SLC30A3: variants seen among roughly 807,000 people sequenced by gnomAD.
SLC30A3 encodes the protein solute carrier family 30 member 3.
In SLC30A3, 20 loss-of-function variants were observed where a neutral mutation model predicts 35.6. That is an observed-to-expected ratio of 0.56 (90% CI 0.39 to 0.82). The LOEUF is 0.82. Among genes scored for constraint, SLC30A3 ranks in the 40% least tolerant of loss-of-function variants. SLC30A3 has a pLI of 0.00. For missense variants in SLC30A3, 401 were observed against 530.6 expected (o/e 0.76, Z 2.40); for synonymous variants, 217 against 224.7 (o/e 0.97, Z 0.31).
Position 27,270,475 on chromosome 2 carries a change from A to G in SLC30A3, c.-159+4702T>C, listed in dbSNP as rs1558568585. 5.9e-5 allele frequency among the ~76,000 whole-genome samples: 9 copies of G among 152,172 alleles called. No individual in the cohort carries two copies. The South Asian group carries it at 1.7e-3, about 28-fold the overall frequency. On this transcript the variant is annotated intron_variant, in intron 1 of 5. Transcript: ENST00000424577. ...AATTTGCAAATCTTAGGGGAGGGGA[A>G]GGACCCTGATTTTTCCTTTCTTCCC...
In SLC30A3 at chr2:27,255,248, A is replaced by C. The variant is rs902577359; in HGVS notation, c.*64T>G. ...TCGGTCCCGTCTCTGTGATCAGGGC[A>C]GCAGATGCTGAGAGTCTGGGGCTGA... On this transcript the variant is annotated 3_prime_UTR_variant, in exon 8 of 8. Transcript: ENST00000233535. This position sits in a 1 kb window ranked among gnomAD's most constrained non-coding sequence, Gnocchi z 5.2. 5 of 1,610,132 alleles carry C rather than the reference A, an allele frequency of 3.1e-6. No individual in the cohort carries two copies. The highest frequency in any genetic ancestry group is 4.2e-6 in the Non-Finnish European group (5 of 1,178,084).
In SLC30A3 at chr2:27,255,308, T is replaced by C; in HGVS notation, c.*4A>G. On this transcript the variant is annotated 3_prime_UTR_variant, in exon 8 of 8. Transcript: ENST00000233535. This position sits in a 1 kb window ranked among gnomAD's most constrained non-coding sequence, Gnocchi z 5.2. Reference sequence around the variant, plus strand: ...TGGCAGTGGGGTGAGGGCAGGGCCATGGCTCAGGCTTGGGGGGGTTCCTGG... The same window carrying C: ...TGGCAGTGGGGTGAGGGCAGGGCCACGGCTCAGGCTTGGGGGGGTTCCTGG... The C allele has an allele frequency of 6.2e-7, 1 of 1,613,880 alleles. No individual in the cohort carries two copies. The highest frequency in any genetic ancestry group is 1.1e-5 in the South Asian group (1 of 91,048).
Position 27,256,783 on chromosome 2 carries a change from C to G in SLC30A3, c.883+5G>C. On this transcript the variant is annotated splice_donor_5th_base_variant and intron_variant, in intron 6 of 7. Coordinates refer to ENST00000233535, the MANE Select transcript of SLC30A3 (RefSeq NM_003459.5). ...AGGGATGGGGAGCTGTGGTGCCCGA[C>G]TCACCTTCCATGAGGATTCGAAGAA... 2 of 1,590,810 alleles carry G rather than the reference C, an allele frequency of 1.3e-6. No homozygotes were observed. Among genetic ancestry groups the G allele is most frequent in the Middle Eastern group, 3.4e-4 (2 of 5,958 alleles).
chr2:27,255,499 G>T lies in SLC30A3; in HGVS notation c.1019-39C>A. 6.2e-7 allele frequency: 1 copy of T among 1,603,910 alleles called. No individual in the cohort carries two copies. Among genetic ancestry groups the T allele is most frequent in the Non-Finnish European group, 8.5e-7 (1 of 1,175,986 alleles). On this transcript the variant is annotated intron_variant, in intron 7 of 7. Coordinates refer to ENST00000233535, the MANE Select transcript of SLC30A3 (RefSeq NM_003459.5). This position sits in a 1 kb window ranked among gnomAD's most constrained non-coding sequence, Gnocchi z 5.2. Reference sequence around the variant, plus strand: ...ATAAGAGGCGGCATCCATCCCGGGGGAGAAAGAACAGGCAGGGACTGAGAT... The same window carrying T: ...ATAAGAGGCGGCATCCATCCCGGGGTAGAAAGAACAGGCAGGGACTGAGAT...
In SLC30A3 at chr2:27,271,763, G is replaced by A. The variant is rs2148156431; in HGVS notation, c.-159+3414C>T. Among the ~76,000 whole-genome samples, 1 of 152,340 alleles carries A rather than the reference G, an allele frequency of 6.6e-6. No individual in the cohort carries two copies. On this transcript the variant is annotated intron_variant, in intron 1 of 5. Transcript: ENST00000424577. This position sits in a 1 kb window ranked among gnomAD's most constrained non-coding sequence, Gnocchi z 4.3. ...AGAGCCACTGGCCAAAGGAGGCCAG[G>A]CCGACTGGGCCGTGCTACTCCCACC...
chr2:27,263,356 C>A (rs973639998), upstream of SLC30A3: 1 of 464,278 alleles, frequency 2.2e-6, no homozygotes, highest in Non-Finnish European at 4.4e-6. Flanking sequence ...CTTCGCCCAA[C>A]GACCACCACT....
upstream of SLC30A3, among the ~76,000 whole-genome samples, chr2:27,265,521 T>A (rs866698951): frequency 1.3e-5 from 2 of 152,220 alleles, no homozygotes; most frequent in Admixed American, 6.5e-5. The surrounding 1 kb of genome is among the most constrained non-coding windows in gnomAD (Gnocchi z 5.9). Context: ...TCAGGCAAAT[T>A]TTAAAATGTA....
chr2:27,262,631 G>T lies in SLC30A3; in HGVS notation c.95+181C>A, dbSNP rs935366274. On this transcript the variant is annotated intron_variant, in intron 1 of 7. Coordinates refer to ENST00000233535, the MANE Select transcript of SLC30A3 (RefSeq NM_003459.5). This position sits in a 1 kb window ranked among gnomAD's most constrained non-coding sequence, Gnocchi z 7.5. ...AGTCAGGCGGCCGGGAGGAGGCGTA[G>T]CCGGCTGTGTAGGGCTGGGCGCTCC... Among the ~76,000 whole-genome samples the T allele has an allele frequency of 6.6e-6, 1 of 152,194 alleles. No individual in the cohort carries two copies. Among genetic ancestry groups the T allele is most frequent in the African/African-American group, 2.4e-5 (1 of 41,460 alleles).
upstream of SLC30A3, among the ~76,000 whole-genome samples, chr2:27,265,887 A>C (rs1179940408): frequency 6.6e-6 from 1 of 152,036 alleles, no homozygotes; most frequent in Non-Finnish European, 1.5e-5. This position sits in a 1 kb window ranked among gnomAD's most constrained non-coding sequence, Gnocchi z 5.9. Context: ...AGAAAGGAGG[A>C]GCTAGTTGAG....
chr2:27,269,181 G>GT (rs888576392), intron 1 of SLC30A3, among the ~76,000 whole-genome samples: 135 of 146,226 alleles, frequency 9.2e-4, no homozygotes, highest in African/African-American at 1.9e-3. Context: ...TTAGAGTGTG[G>GT]TTTTTTTTTT....
At position 27,262,095 on chromosome 2, in the gene SLC30A3, G is replaced by T. The variant is rs1345809955; in HGVS notation, c.95+717C>A. Reference sequence around the variant, plus strand: ...CGGCCGCTCAGAGGGGCAGGTGGACGGTGGCGGCAGGCGCGGGGGCCGGCG... The same window carrying T: ...CGGCCGCTCAGAGGGGCAGGTGGACTGTGGCGGCAGGCGCGGGGGCCGGCG... On this transcript the variant is annotated intron_variant, in intron 1 of 7. Coordinates refer to ENST00000233535, the MANE Select transcript of SLC30A3 (RefSeq NM_003459.5). The surrounding 1 kb of genome is among the most constrained non-coding windows in gnomAD (Gnocchi z 7.5). The T allele has an allele frequency of 6.6e-6, 1 of 152,322 alleles. No individual in the cohort carries two copies. The highest frequency in any genetic ancestry group is 1.5e-5 in the Non-Finnish European group (1 of 68,062). 9.4% of individuals were successfully genotyped at this position (152,322 alleles called of 1,614,324 possible).
chr2:27,272,196 G>A (rs746883651), intron 1 of SLC30A3, among the ~76,000 whole-genome samples: 1 of 152,174 alleles, frequency 6.6e-6, no homozygotes, highest in Non-Finnish European at 1.5e-5. Context: ...TCAGGATCAC[G>A]TTATTATCTC....
Position 27,262,862 on chromosome 2 carries a change from C to T in SLC30A3, c.45G>A (p.Leu15=). ...PAAGGLETTR[L]VSPRDRGGAG... is the part of the protein sequence containing the mutation. ...CGCCACCGCGGTCCCGGGGGCTCAC[C>T]AGGCGAGTGGTCTCCAAGCCCCCAG... Residue 15 remains leucine (L), a synonymous_variant, in exon 1 of 8, where the codon CTG becomes CTA. Coordinates refer to ENST00000233535, the MANE Select transcript of SLC30A3 (RefSeq NM_003459.5). This position sits in a 1 kb window ranked among gnomAD's most constrained non-coding sequence, Gnocchi z 7.5. 6.4e-7 allele frequency: 1 copy of T among 1,567,296 alleles called. No homozygotes were observed. Among genetic ancestry groups the T allele is most frequent in the South Asian group, 1.2e-5 (1 of 86,238 alleles).
At position 27,258,274 on chromosome 2, in the gene SLC30A3, G is replaced by C; in HGVS notation, c.311C>G (p.Thr104Ser). ...ATCCGCCAGCAAGTGGGCTGCATCG[G>C]TCATGATGGCCAGGCTGTGTGCCAG... ...GYLAHSLAIM[T>S]DAAHLLADVG... Residue 104 changes from threonine to serine, a missense_variant, in exon 3 of 8, where the codon ACC becomes AGC. By Grantham distance (58) the Thr-to-Ser change is moderately conservative (BLOSUM62 1). This residue lies in a region of SLC30A3 where 296 missense variants were observed against 392.6 expected (regional missense o/e 0.75). Transcript: ENST00000233535. This position sits in a 1 kb window ranked among gnomAD's most constrained non-coding sequence, Gnocchi z 4.0. 2 of 1,538,440 alleles carry C rather than the reference G, an allele frequency of 1.3e-6. No homozygotes were observed. The highest frequency in any genetic ancestry group is 1.8e-6 in the Non-Finnish European group (2 of 1,141,258).
At chr2:27,263,505 G>A (rs1677338025), upstream of SLC30A3, 1 of 298,232 alleles carries the variant, frequency 3.4e-6, no homozygotes, top group African/African-American at 2.2e-5. Flanking sequence ...CGGTGACACA[G>A]GGAGATTCCA....
chr2:27,259,278 A>G (rs1677051919), intron 1 of SLC30A3, among the ~76,000 whole-genome samples: 1 of 152,138 alleles, frequency 6.6e-6, no homozygotes, highest in East Asian at 1.9e-4. Context: ...GCAGATCACA[A>G]GGTCAGGAGA....
chr2:27,259,390 G>C (rs1437964129), intron 1 of SLC30A3, among the ~76,000 whole-genome samples: 2 of 152,168 alleles, frequency 1.3e-5, no homozygotes, highest in Non-Finnish European at 2.9e-5. Flanking sequence ...CTACTTGGGA[G>C]GCTGAGGCAG....
chr2:27,254,634 C>G lies in SLC30A3; in HGVS notation c.*678G>C, dbSNP rs907503887. The G allele has an allele frequency of 1.0e-4, 16 of 156,158 alleles. No individual in the cohort carries two copies. The highest frequency in any genetic ancestry group is 3.9e-4 in the African/African-American group (16 of 41,418). 9.7% of individuals were successfully genotyped at this position (156,158 alleles called of 1,614,324 possible). ...GAGTCCTCCCTCTTTCAGGGATAGC[C>G]AAGGGCACAGCACCAACAGAGGGAT... On this transcript the variant is annotated 3_prime_UTR_variant, in exon 8 of 8. Coordinates refer to ENST00000233535, the MANE Select transcript of SLC30A3 (RefSeq NM_003459.5).
At chr2:27,261,443 G>A (rs1192837562) in intron 1 of SLC30A3, among the ~76,000 whole-genome samples, 1 of 152,202 alleles carries the variant, frequency 6.6e-6, no homozygotes, top group Non-Finnish European at 1.5e-5. Flanking sequence ...AGTTGGAGAT[G>A]TGAGTCTGAA....
Sources: gnomAD v4.1 joint callset for allele counts (sites outside exome capture counted in the v4.1 genomes callset) on GRCh38, gnomAD v4.1.1 for gene constraint, gnomAD v4.1.1 regional missense constraint, Gnocchi (gnomAD v3.1) non-coding constraint, MANE v1.5 for transcripts, NCBI Gene and HGNC (gene_info 2026-07-23, HGNC 2026-07-21) for gene names.